CR1: variants seen among roughly 807,000 people sequenced by gnomAD.
CR1 encodes complement C3b/C4b receptor 1 (Knops blood group).
CR1 carries 116 observed loss-of-function variants against 187.3 expected under a neutral mutation model. The observed-to-expected ratio is 0.62, with a 90% CI of 0.53 to 0.72. The LOEUF (loss-of-function observed/expected upper bound fraction) is 0.72, where lower values mean the gene tolerates loss of function less well. Among genes scored for constraint, CR1 ranks in the 30% least tolerant of loss-of-function variants. The pLI, the probability that CR1 is intolerant of heterozygous loss-of-function variation, is 0.00. For missense variants in CR1, 1,731 were observed against 2,110.7 expected (o/e 0.82, Z 3.52); for synonymous variants, 576 against 747.1 (o/e 0.77, Z 3.73).
Position 207,575,770 on chromosome 1 carries a change from G to A in CR1, c.4537+90G>A. ...ACAAAGAATGGATCTCATCCCTCTT[G>A]GAAATGGTATCCTTCTGATATTTGA... On this transcript the variant is annotated intron_variant, in intron 28 of 46. Coordinates refer to ENST00000367049, the MANE Select transcript of CR1 (RefSeq NM_000651.6). The A allele has an allele frequency of 1.9e-6, 3 of 1,581,516 alleles. No homozygotes were observed. The Admixed American group carries it at 5.0e-5, about 26-fold the overall frequency.
At position 207,617,519 on chromosome 1, in the gene CR1, G is replaced by A. The variant is rs1419851653; in HGVS notation, c.6890-552G>A. On this transcript the variant is annotated intron_variant, in intron 41 of 46. Coordinates refer to ENST00000367049, the MANE Select transcript of CR1 (RefSeq NM_000651.6). ...TATATATATATATATGTGTGTGTGT[G>A]TGTGTGTGTGTGTGTGTGTATGTGT... Among the ~76,000 whole-genome samples the A allele has an allele frequency of 5.2e-3, 387 of 74,276 alleles. 22 individuals carry two copies. Among genetic ancestry groups the A allele is most frequent in the African/African-American group, 0.016 (373 of 22,858 alleles). The allele number at this position is 74,276 out of a possible 152,430, so 48.7% of individuals were successfully genotyped here.
At chr1:207,619,036 CA>C (rs71727231) in intron 42 of CR1, among the ~76,000 whole-genome samples, 55 of 38,474 alleles carry the variant, frequency 1.4e-3, no homozygotes, top group East Asian at 6.3e-3. Flanking sequence ...GACTCCGTCT[CA>C]AAAAAAAAAA....
Position 207,617,577 on chromosome 1 carries a change from GTATATATATA to G in CR1, c.6890-467_6890-458del, listed in dbSNP as rs747792167. Reference sequence around the variant, plus strand: ...TATATGTGTATATATATGTGTGTGTGTATATATATATATATATATATATATATATATATAT... The same window carrying G: ...TATATGTGTATATATATGTGTGTGTGTATATATATATATATATATATATAT... On this transcript the variant is annotated intron_variant, in intron 41 of 46. Transcript: ENST00000367049. 3.2e-3 allele frequency among the ~76,000 whole-genome samples: 151 copies of G among 47,152 alleles called. 1 individual carries two copies. Among genetic ancestry groups the G allele is most frequent in the South Asian group, 8.0e-3 (8 of 1,006 alleles). The allele number at this position is 47,152 out of a possible 152,430, so 30.9% of individuals were successfully genotyped here. A position where few individuals can be genotyped will look rare whatever the true frequency, so the allele number is the denominator to read the frequency against.
chr1:207,573,857 C>T (rs926920543), intron 27 of CR1, among the ~76,000 whole-genome samples: 1 of 152,146 alleles, frequency 6.6e-6, no homozygotes, highest in African/African-American at 2.4e-5. Flanking sequence ...GACAGGCAAG[C>T]ACAGTGGCTC....
chr1:207,585,268 C>T (rs1336699444), intron 33 of CR1, among the ~76,000 whole-genome samples: 1 of 152,198 alleles, frequency 6.6e-6, no homozygotes, highest in African/African-American at 2.4e-5. Flanking sequence ...GGTACATGGG[C>T]ATGCAAAGTT....
intron 24 of CR1, among the ~76,000 whole-genome samples, chr1:207,567,595 T>C (rs369927493): frequency 3.3e-5 from 5 of 150,468 alleles, no homozygotes; most frequent in African/African-American, 5.0e-5. Context: ...GTAAAGTTTC[T>C]ACTGTCCAGG....
At position 207,580,491 on chromosome 1, in the gene CR1, T is replaced by TC; in HGVS notation, c.5114-20_5114-19insC. The TC allele has an allele frequency of 6.3e-7, 1 of 1,590,750 alleles. No homozygotes were observed. Among genetic ancestry groups the TC allele is most frequent in the Non-Finnish European group, 8.5e-7 (1 of 1,173,504 alleles). ...AGGTCTTACTCCTATTTTTTCTTTT[T>TC]TTTTTTTTTCTTCTTCTAGTGAAAT... On this transcript the variant is annotated intron_variant, in intron 30 of 46. Coordinates refer to ENST00000367049, the MANE Select transcript of CR1 (RefSeq NM_000651.6).
intron 4 of CR1, among the ~76,000 whole-genome samples, chr1:207,518,105 C>T (rs1458574821): frequency 6.6e-6 from 1 of 151,966 alleles, no homozygotes. Context: ...ATCAATTTTT[C>T]TCTAAAACTG....
chr1:207,620,464 T>G (rs1047841149), intron 43 of CR1, among the ~76,000 whole-genome samples: 1 of 152,220 alleles, frequency 6.6e-6, no homozygotes, highest in Non-Finnish European at 1.5e-5. Context: ...ATAGAGCAGA[T>G]TTAGAAATTA....
rs574038825 is a variant in CR1 at position 207,634,164 on chromosome 1, G to T, written c.7457+3543G>T. ...GGGTGTATACGTGCAAGTCACAGGG[G>T]ATGCGATGGCTTGGCTTGGGTTCAG... On this transcript the variant is annotated intron_variant, in intron 46 of 46. Coordinates refer to ENST00000367049, the MANE Select transcript of CR1 (RefSeq NM_000651.6). 2.0e-5 allele frequency among the ~76,000 whole-genome samples: 3 copies of T among 152,264 alleles called. No individual in the cohort carries two copies. In the South Asian group the frequency reaches 6.2e-4, roughly 32 times the overall value.
At chr1:207,638,065 A>C (rs1662870987) in intron 46 of CR1, among the ~76,000 whole-genome samples, 2 of 152,222 alleles carry the variant, frequency 1.3e-5, no homozygotes, top group African/African-American at 4.8e-5. Flanking sequence ...TAAAGTATAG[A>C]GTGCTAGATT....
At chr1:207,518,478 C>T (rs1659871159) in intron 4 of CR1, among the ~76,000 whole-genome samples, 1 of 152,082 alleles carries the variant, frequency 6.6e-6, no homozygotes, top group Non-Finnish European at 1.5e-5. Context: ...TATTAGTTTC[C>T]CAGGGCTGCT....
chr1:207,516,743 T>A (rs1053213165), intron 4 of CR1, among the ~76,000 whole-genome samples: 1 of 152,182 alleles, frequency 6.6e-6, no homozygotes, highest in African/African-American at 2.4e-5. Flanking sequence ...ATATTATTTT[T>A]AAAATTTCAT....
chr1:207,602,714 G>A (rs979163568), intron 35 of CR1, among the ~76,000 whole-genome samples: 7 of 152,108 alleles, frequency 4.6e-5, no homozygotes, highest in African/African-American at 1.7e-4. Flanking sequence ...GATAGAGAGA[G>A]AGAGAAGGCA....
intron 35 of CR1, among the ~76,000 whole-genome samples, chr1:207,598,353 A>G (rs1411171718): frequency 6.6e-6 from 1 of 152,204 alleles, no homozygotes; most frequent in African/African-American, 2.4e-5. Flanking sequence ...TTTAAAACAT[A>G]TCAAATAAGA....
intron 35 of CR1, among the ~76,000 whole-genome samples, chr1:207,589,333 C>T (rs1661200701): frequency 6.6e-6 from 1 of 152,160 alleles, no homozygotes; most frequent in African/African-American, 2.4e-5. Flanking sequence ...TGGAGTGGAC[C>T]TCCATCAAAC....
At chr1:207,524,753 G>C (rs983982283) in intron 5 of CR1, among the ~76,000 whole-genome samples, 2 of 151,724 alleles carry the variant, frequency 1.3e-5, no homozygotes, top group Admixed American at 1.3e-4. Flanking sequence ...GTAACTTGCA[G>C]ACAAAACTGG....
At chr1:207,581,847 A>G (rs1046106096) in intron 31 of CR1, 71 bp from the exon 32 acceptor site, 2 of 993,440 alleles carry the variant, frequency 2.0e-6, no homozygotes, top group Admixed American at 1.8e-5. Context: ...CTCAGGGAGG[A>G]GGTTGAGATC....
intron 46 of CR1, among the ~76,000 whole-genome samples, chr1:207,638,582 C>A (rs975402123): frequency 6.6e-6 from 1 of 152,234 alleles, no homozygotes; most frequent in African/African-American, 2.4e-5. Context: ...AATATGCAGC[C>A]TTTCCTGTTG....
Sources: gnomAD v4.1 joint callset for allele counts (sites outside exome capture counted in the v4.1 genomes callset) on GRCh38, gnomAD v4.1.1 for gene constraint, MANE v1.5 for transcripts, NCBI Gene and HGNC (gene_info 2026-07-23, HGNC 2026-07-21) for gene names.